Variants in CTNND2 observed in about 807,000 individuals in gnomAD.
CTNND2 encodes the protein catenin delta 2.
CTNND2 carries 22 observed loss-of-function variants against 144.4 expected under a neutral mutation model. The ratio of observed to expected loss-of-function variants is 0.15; its 90% CI spans 0.11 to 0.22. The LOEUF (loss-of-function observed/expected upper bound fraction) is 0.22, where lower values mean the gene tolerates loss of function less well. CTNND2 is among the 10% of genes least tolerant of loss of function. The pLI is 1.00. For missense variants in CTNND2, 1,353 were observed against 1,618.8 expected (o/e 0.84, Z 2.82); for synonymous variants, 751 against 695.6 (o/e 1.08, Z -1.25).
At chr5:11,350,754 T>C (rs1755246440) in intron 8 of CTNND2, among the ~76,000 whole-genome samples, 1 of 152,186 alleles carries the variant, frequency 6.6e-6, no homozygotes, top group Non-Finnish European at 1.5e-5. Context: ...ACAGGTTATA[T>C]AATCATACAG....
At chr5:11,635,990 T>C (rs1293162857) in intron 2 of CTNND2, among the ~76,000 whole-genome samples, 1 of 151,878 alleles carries the variant, frequency 6.6e-6, no homozygotes, top group African/African-American at 2.4e-5. Context: ...TCAAATGTCT[T>C]ATCTTCTGAG....
intron 2 of CTNND2, among the ~76,000 whole-genome samples, chr5:11,590,121 C>G (rs1779136728): frequency 6.6e-6 from 1 of 151,108 alleles, no homozygotes; most frequent in Non-Finnish European, 1.5e-5. Flanking sequence ...TCTAAGTGCA[C>G]TGCAAGCTCC....
At chr5:11,055,375 T>A (rs1746251073) in intron 16 of CTNND2, among the ~76,000 whole-genome samples, 1 of 152,190 alleles carries the variant, frequency 6.6e-6, no homozygotes, top group Admixed American at 6.5e-5. Context: ...GACTGACTCT[T>A]AGCCCTGGGG....
chr5:11,802,091 G>T (rs1284527722), intron 1 of CTNND2, among the ~76,000 whole-genome samples: 1 of 151,924 alleles, frequency 6.6e-6, no homozygotes, highest in African/African-American at 2.4e-5. Flanking sequence ...TGGCCAAAAT[G>T]GTGAAACCCC....
At chr5:11,707,709 ACTCT>A (rs146961633) in intron 2 of CTNND2, among the ~76,000 whole-genome samples, 4,573 of 152,194 alleles carry the variant, frequency 0.03, 244 homozygotes, top group African/African-American at 0.11. Flanking sequence ...TTTTCTTCCT[ACTCT>A]CTCTCTTATG....
intron 9 of CTNND2, among the ~76,000 whole-genome samples, chr5:11,255,563 T>A (rs1474187879): frequency 6.6e-6 from 1 of 152,068 alleles, no homozygotes; most frequent in Non-Finnish European, 1.5e-5. Flanking sequence ...ATGCTCTCAT[T>A]TTCTTTGAAA....
intron 16 of CTNND2, among the ~76,000 whole-genome samples, chr5:11,066,042 TC>T (rs1174040826): frequency 2.2e-5 from 2 of 88,906 alleles, no homozygotes; most frequent in African/African-American, 1.1e-4. Flanking sequence ...CAATCTTTTA[TC>T]TTTTTTTTTT....
intron 9 of CTNND2, among the ~76,000 whole-genome samples, chr5:11,324,664 G>C (rs1752354882): frequency 6.6e-6 from 1 of 152,156 alleles, no homozygotes; most frequent in Non-Finnish European, 1.5e-5. Flanking sequence ...CAGAATTCTG[G>C]CTTTCTGGAA....
intron 2 of CTNND2, among the ~76,000 whole-genome samples, chr5:11,613,980 T>C (rs1780458835): frequency 6.6e-6 from 1 of 152,216 alleles, no homozygotes; most frequent in Non-Finnish European, 1.5e-5. Context: ...GAACTGTATT[T>C]AAAATATACA....
At chr5:11,749,519 G>T (rs1788493332) in intron 1 of CTNND2, among the ~76,000 whole-genome samples, 1 of 151,908 alleles carries the variant, frequency 6.6e-6, no homozygotes, top group African/African-American at 2.4e-5. Flanking sequence ...ACTTATCACA[G>T]ACTCCTCAGG....
intron 9 of CTNND2, among the ~76,000 whole-genome samples, chr5:11,301,220 T>C (rs1286100795): frequency 6.6e-6 from 1 of 152,148 alleles, no homozygotes; most frequent in Non-Finnish European, 1.5e-5. Flanking sequence ...GGTTTCACTA[T>C]GTTGGCCAGG....
rs191309173 is a variant in CTNND2, at chr5:11,110,948, G to T, written c.2373C>A (p.Asp791Glu). 2.5e-6 allele frequency: 4 copies of T among 1,614,102 alleles called. No homozygotes were observed. Among genetic ancestry groups the T allele is most frequent in the Non-Finnish European group, 3.4e-6 (4 of 1,180,010 alleles). The change falls in exon 14 of 22, where the codon GAC (aspartate) becomes GAA (glutamate). Residue 791 changes from aspartate to glutamate, a missense_variant. Transcript: ENST00000304623. ...CATTGGCCTCGCCACAGAGTAGCCC[G>T]TCCAGCTCGTCCGTGCCCATGTGCT... ...QGQHMGTDEL[D>E]GLLCGEANGK...
chr5:11,127,835 A>T (rs987803182), intron 12 of CTNND2, among the ~76,000 whole-genome samples: 1 of 152,184 alleles, frequency 6.6e-6, no homozygotes, highest in East Asian at 1.9e-4. Flanking sequence ...TGAGCTGAAG[A>T]GATTTAAGAC....
intron 2 of CTNND2, among the ~76,000 whole-genome samples, chr5:11,727,131 A>AT (rs1307917502): frequency 6.6e-6 from 1 of 152,152 alleles, no homozygotes; most frequent in African/African-American, 2.4e-5. Flanking sequence ...TTTATTTATC[A>AT]TTTTTCTGAT....
intron 3 of CTNND2, among the ~76,000 whole-genome samples, chr5:11,492,549 C>G (rs1388871974): frequency 1.4e-5 from 2 of 147,916 alleles, no homozygotes; most frequent in East Asian, 4.0e-4. Flanking sequence ...GTGTGTGTAT[C>G]TGGACTTTCT....
intron 9 of CTNND2, among the ~76,000 whole-genome samples, chr5:11,290,127 A>G (rs1393318217): frequency 1.3e-5 from 2 of 152,202 alleles, no homozygotes; most frequent in Non-Finnish European, 2.9e-5. Context: ...AGAGTGGAGA[A>G]TAGCAGCATT....
intron 15 of CTNND2, chr5:11,083,835 A>C (rs1749855725): frequency 1.3e-5 from 12 of 937,194 alleles, no homozygotes; most frequent in East Asian, 1.1e-4. Context: ...GGCCACCTCC[A>C]CCCCCCTTCC....
intron 3 of CTNND2, among the ~76,000 whole-genome samples, chr5:11,483,982 T>G (rs1768543648): frequency 6.6e-6 from 1 of 152,186 alleles, no homozygotes; most frequent in Non-Finnish European, 1.5e-5. Flanking sequence ...GGCATAGTCA[T>G]AGATATTAGA....
At chr5:11,648,936 C>T (rs1239420384) in intron 2 of CTNND2, among the ~76,000 whole-genome samples, 1 of 152,178 alleles carries the variant, frequency 6.6e-6, no homozygotes, top group Non-Finnish European at 1.5e-5. Flanking sequence ...TGAACTTGTG[C>T]CACATTAATT....
Sources: allele counts gnomAD v4.1 joint callset (sites outside exome capture counted in the v4.1 genomes callset), GRCh38; gene constraint gnomAD v4.1.1; transcripts MANE v1.5; gene names NCBI Gene and HGNC (gene_info 2026-07-23, HGNC 2026-07-21).